Variants in EYA2 observed in about 807,000 individuals in gnomAD.
The protein encoded by EYA2 is protein phosphatase EYA2.
Under a neutral mutation model 69.2 loss-of-function variants are expected in EYA2, and 31 were observed. That is an observed-to-expected ratio of 0.45 (90% confidence interval 0.34 to 0.60). EYA2 has a LOEUF of 0.60. EYA2 is among the 20% of genes least tolerant of loss of function. EYA2 has a pLI of 0.02. For synonymous variants in EYA2, 257 were observed against 279.4 expected, an observed-to-expected ratio of 0.92 and a Z score of 0.80; for missense variants, 622 against 701.2, an observed-to-expected ratio of 0.89 and a Z score of 1.28.
At chr20:47,063,762 A>T (rs2031001781) in intron 5 of EYA2, among the ~76,000 whole-genome samples, 1 of 152,204 alleles carries the variant, frequency 6.6e-6, no homozygotes, top group Non-Finnish European at 1.5e-5. Context: ...ACCAATGGGA[A>T]ACCTCTAGAG....
At chr20:47,163,964 C>T (rs1337991177) in intron 10 of EYA2, among the ~76,000 whole-genome samples, 1 of 152,114 alleles carries the variant, frequency 6.6e-6, no homozygotes, top group Non-Finnish European at 1.5e-5. Context: ...TGTGTCAAGG[C>T]CACGGGAACC....
chr20:46,975,989 G>A (rs1980434603), intron 1 of EYA2, among the ~76,000 whole-genome samples: 1 of 152,182 alleles, frequency 6.6e-6, no homozygotes, highest in Admixed American at 6.5e-5. Flanking sequence ...TTTTGTCATA[G>A]GACTCCCTAG....
chr20:47,086,859 T>A (rs2031910486), intron 7 of EYA2, among the ~76,000 whole-genome samples: 1 of 152,098 alleles, frequency 6.6e-6, no homozygotes. Context: ...CAGACCTTAT[T>A]TTAGACATTT....
At chr20:47,175,450 T>C (rs940458278) in intron 12 of EYA2, among the ~76,000 whole-genome samples, 1 of 152,146 alleles carries the variant, frequency 6.6e-6, no homozygotes, top group African/African-American at 2.4e-5. Flanking sequence ...TTCCTCCTCG[T>C]GTGCAAAATG....
At chr20:47,064,914 T>C (rs915895030) in intron 5 of EYA2, among the ~76,000 whole-genome samples, 1 of 152,190 alleles carries the variant, frequency 6.6e-6, no homozygotes, top group East Asian at 1.9e-4. Context: ...AAAACATACC[T>C]GAGGCTGGGT....
chr20:47,100,622 C>G lies in EYA2; in HGVS notation c.888+3454C>G, dbSNP rs573080434. On this transcript the variant is annotated intron_variant, in intron 9 of 15. Transcript: ENST00000327619. ...AGAAAGCATGAGAATCAGACTCAAG[C>G]TCACCTGCCTTCCTGTGTGATCTCT... Among the ~76,000 whole-genome samples, 12 of 152,338 alleles carry G rather than the reference C, an allele frequency of 7.9e-5. No homozygotes were observed. The East Asian group carries it at 1.7e-3, about 22-fold the overall frequency.
Position 46,982,541 on chromosome 20 carries a change from GCTCT to G in EYA2, c.-10-7452_-10-7449del, listed in dbSNP as rs559312970. On this transcript the variant is annotated intron_variant, in intron 1 of 15. Coordinates refer to ENST00000327619, the MANE Select transcript of EYA2 (RefSeq NM_005244.5). Reference sequence around the variant, plus strand: ...TCTCTTTAAATATTGTTTCTGACTTGCTCTCTCTCTCCTCTCCTTCTGTGGCTCC... The same window carrying G: ...TCTCTTTAAATATTGTTTCTGACTTGCTCTCTCCTCTCCTTCTGTGGCTCC... Among the ~76,000 whole-genome samples the G allele has an allele frequency of 1.3e-3, 203 of 152,034 alleles. 2 individuals are homozygous for G. The highest frequency in any genetic ancestry group is 2.5e-3 in the Non-Finnish European group (169 of 67,980).
At chr20:47,009,009 A>G (rs1982897015) in intron 4 of EYA2, among the ~76,000 whole-genome samples, 1 of 152,250 alleles carries the variant, frequency 6.6e-6, no homozygotes, top group South Asian at 2.1e-4. Context: ...GACTGAATGT[A>G]AACGAATGGG....
intron 9 of EYA2, among the ~76,000 whole-genome samples, chr20:47,139,514 C>T (rs1249323717): frequency 6.6e-6 from 1 of 151,924 alleles, no homozygotes; most frequent in African/African-American, 2.4e-5. Context: ...CTCACCACAA[C>T]CTCCTCCTCC....
chr20:46,930,715 T>C (rs1009924600), intron 1 of EYA2, among the ~76,000 whole-genome samples: 1 of 152,178 alleles, frequency 6.6e-6, no homozygotes, highest in African/African-American at 2.4e-5. Flanking sequence ...ATTAAACAGT[T>C]GCATGAGACA....
In EYA2 at chr20:47,005,160, C is replaced by G. The variant is rs1982631528; in HGVS notation, c.298+76C>G. On this transcript the variant is annotated intron_variant, in intron 4 of 15. Transcript: ENST00000327619. ...TCTTTGTTCTGCACTATTGTCTCAG[C>G]TAAATGTGGATTAATAGACACAACC... 3.9e-6 allele frequency: 6 copies of G among 1,522,088 alleles called. No individual in the cohort carries two copies. The South Asian group carries it at 6.3e-5, about 16-fold the overall frequency. 94.3% of individuals were successfully genotyped at this position (1,522,088 alleles called of 1,614,324 possible).
intron 15 of EYA2, 108 bp downstream of exon 15, chr20:47,183,499 C>T (rs1209084731): frequency 2.2e-6 from 2 of 914,270 alleles, no homozygotes; most frequent in Non-Finnish European, 3.3e-6. Context: ...CTGGCTGGGT[C>T]CTCCTTCCCA....
chr20:46,922,992 T>C (rs550041045), intron 1 of EYA2, among the ~76,000 whole-genome samples: 46 of 152,178 alleles, frequency 3.0e-4, no homozygotes, highest in African/African-American at 8.7e-4. Flanking sequence ...AAACCTAGAA[T>C]GAGGAACATT....
intron 1 of EYA2, among the ~76,000 whole-genome samples, chr20:46,956,438 G>C (rs569486095): frequency 6.6e-6 from 1 of 152,292 alleles, no homozygotes; most frequent in East Asian, 1.9e-4. Context: ...AGTGTTCCTG[G>C]TAGATGGGTG....
chr20:47,057,872 G>A (rs1353077037), intron 5 of EYA2, among the ~76,000 whole-genome samples: 1 of 152,196 alleles, frequency 6.6e-6, no homozygotes, highest in Non-Finnish European at 1.5e-5. Flanking sequence ...CTGCTGGCTG[G>A]GAGTCAGGCT....
chr20:47,119,430 A>G (rs1431106112), intron 9 of EYA2, among the ~76,000 whole-genome samples: 1 of 152,222 alleles, frequency 6.6e-6, no homozygotes, highest in Non-Finnish European at 1.5e-5. Context: ...CGGAGTGGAA[A>G]TGACCATCAA....
At chr20:47,153,271 G>A (rs2146616838) in intron 10 of EYA2, among the ~76,000 whole-genome samples, 1 of 152,126 alleles carries the variant, frequency 6.6e-6, no homozygotes, top group African/African-American at 2.4e-5. Flanking sequence ...AAAATGACCA[G>A]TACATCAAAC....
rs779945744 is a variant in EYA2, at chr20:47,182,628, T to TCAAAAAAAA, written c.1436-663_1436-662insCAAAAAAAA. 5.1e-3 allele frequency among the ~76,000 whole-genome samples: 430 copies of TCAAAAAAAA among 84,280 alleles called. 66 individuals are homozygous for TCAAAAAAAA. The East Asian group carries it at 0.074, about 15-fold the overall frequency. 55.3% of individuals were successfully genotyped at this position (84,280 alleles called of 152,430 possible). A position where few individuals can be genotyped will look rare whatever the true frequency, so the allele number is the denominator to read the frequency against. On this transcript the variant is annotated intron_variant, in intron 14 of 15. Transcript: ENST00000327619. Reference sequence around the variant, plus strand: ...TGGGCAACAAGAACGAGACTCCGTCTAAAAAAAAAAAAAAAAGGTTAAGAT... The same window carrying TCAAAAAAAA: ...TGGGCAACAAGAACGAGACTCCGTCTCAAAAAAAAAAAAAAAAAAAAAAAAGGTTAAGAT...
intron 8 of EYA2, 39 bp from the exon 9 acceptor site, chr20:47,097,046 G>A: frequency 6.8e-7 from 1 of 1,479,714 alleles, no homozygotes; most frequent in Non-Finnish European, 9.4e-7. Context: ...ATGCACGTGA[G>A]TCCATTTTTC....
Sources: allele counts gnomAD v4.1 joint callset (sites outside exome capture counted in the v4.1 genomes callset), GRCh38; gene constraint gnomAD v4.1.1; transcripts MANE v1.5; gene names NCBI Gene and HGNC (gene_info 2026-07-23, HGNC 2026-07-21).